The following IST1 variants were observed in gnomAD, a reference collection of about 807,000 sequenced individuals.
The protein encoded by IST1 is IST1 factor associated with ESCRT-III.
IST1 carries 23 observed loss-of-function variants against 37.0 expected under a neutral mutation model. That is an observed-to-expected ratio of 0.62 (90% confidence interval 0.45 to 0.88). IST1 has a LOEUF of 0.88. Among genes scored for constraint, IST1 ranks in the 40% least tolerant of loss-of-function variants. The pLI is 0.00. For missense variants in IST1, 488 were observed against 445.4 expected, an observed-to-expected ratio of 1.10 and a Z score of -0.86; for synonymous variants, 180 against 161.7, an observed-to-expected ratio of 1.11 and a Z score of -0.86.
At chr16:71,899,811 C>T (rs973699050) in intron 1 of IST1, among the ~76,000 whole-genome samples, 3 of 152,068 alleles carry the variant, frequency 2.0e-5, no homozygotes, top group Non-Finnish European at 4.4e-5. Flanking sequence ...ATCACAAGGT[C>T]AGGAGATCGA....
Position 71,922,594 on chromosome 16 carries a change from G to T in IST1, c.673G>T (p.Asp225Tyr), listed in dbSNP as rs1263555652. ...CTTCACAGCACCAGTTGGTGGACCT[G>T]ATGGAACGGTGCCAATGCCCATGCC... Reference protein sequence around the residue: ...GGFTAPVGGPDGTVPMPMPMP... With the variant: ...GGFTAPVGGPYGTVPMPMPMP... Residue 225 changes from aspartate (D) to tyrosine (Y), a missense_variant, in exon 7 of 10, where the codon GAT becomes TAT. By Grantham distance (160) the Asp-to-Tyr change is radical. Coordinates refer to ENST00000378799, the MANE Select transcript of IST1 (RefSeq NM_001270975.2). 6.2e-7 allele frequency: 1 copy of T among 1,610,082 alleles called. No individual in the cohort carries two copies. The highest frequency in any genetic ancestry group is 2.2e-5 in the East Asian group (1 of 44,768).
Position 71,922,844 on chromosome 16 carries a change from GAGA to G in IST1, c.759+167_759+169del, listed in dbSNP as rs1220406844. On this transcript the variant is annotated intron_variant, in intron 7 of 9. Transcript: ENST00000378799. ...GTGGGGAAAAAACACATTGGATTCA[GAGA>G]AGGTCTTCTAGTTCAGCTGTAGGAA... 19 of 636,484 alleles carry G rather than the reference GAGA, an allele frequency of 3.0e-5. No homozygotes were observed. The South Asian group carries it at 3.1e-4, about 10-fold the overall frequency. 39.4% of individuals were successfully genotyped at this position (636,484 alleles called of 1,614,324 possible). A position where few individuals can be genotyped will look rare whatever the true frequency, so the allele number is the denominator to read the frequency against.
chr16:71,914,008 G>A lies in IST1; in HGVS notation c.-15-1618G>A, dbSNP rs532959227. Among the ~76,000 whole-genome samples the A allele has an allele frequency of 4.0e-5, 6 of 151,686 alleles. No individual in the cohort carries two copies. In the South Asian group the frequency reaches 1.0e-3, roughly 26 times the overall value. ...TTTTTAGTAGAGATGGGGTTTCTCC[G>A]TGTTGGTCAGGCTGATCTCGAACTC... On this transcript the variant is annotated intron_variant, in intron 1 of 9. Coordinates refer to ENST00000378799, the MANE Select transcript of IST1 (RefSeq NM_001270975.2).
intron 6 of IST1, 27 bp downstream of exon 6, chr16:71,921,480 AAAT>A (rs1286012838): frequency 7.0e-7 from 1 of 1,429,212 alleles, no homozygotes; most frequent in African/African-American, 1.4e-5. Flanking sequence ...ATACAAAGAA[AAAT>A]GAGTTTGTAG....
At chr16:71,895,936 T>A (rs962022709) in intron 1 of IST1, among the ~76,000 whole-genome samples, 3 of 152,214 alleles carry the variant, frequency 2.0e-5, no homozygotes, top group African/African-American at 7.2e-5. Flanking sequence ...CGGCGAGGGC[T>A]CCTCGGCGAC....
intron 9 of IST1, among the ~76,000 whole-genome samples, 178 bp downstream of exon 9, chr16:71,924,995 A>T (rs2037704325): frequency 6.6e-6 from 1 of 151,358 alleles, no homozygotes; most frequent in African/African-American, 2.4e-5. Context: ...TACAAATCCT[A>T]AGTGATAGCT....
intron 4 of IST1, among the ~76,000 whole-genome samples, chr16:71,920,326 CAAAG>C (rs1021439261): frequency 2.0e-5 from 3 of 152,130 alleles, no homozygotes; most frequent in African/African-American, 7.2e-5. Flanking sequence ...TACGGCTTAA[CAAAG>C]AGTTATTAGC....
At chr16:71,909,213 G>A (rs896664725) in intron 1 of IST1, among the ~76,000 whole-genome samples, 125 of 150,396 alleles carry the variant, frequency 8.3e-4, no homozygotes, top group Non-Finnish European at 6.9e-4. Context: ...GTGCAAGTGA[G>A]CCTCCCACCT....
chr16:71,917,008 G>C, intron 3 of IST1, 39 bp from the exon 4 acceptor site: 1 of 1,376,492 alleles, frequency 7.3e-7, no homozygotes, highest in Non-Finnish European at 1.0e-6. Flanking sequence ...TTGTTGGTTT[G>C]TTTTAAAGAA....
chr16:71,903,857 T>C (rs553024597), intron 1 of IST1, among the ~76,000 whole-genome samples: 1 of 152,354 alleles, frequency 6.6e-6, no homozygotes, highest in South Asian at 2.1e-4. Context: ...TTGTGTTCTG[T>C]CTGCTAGGTT....
At chr16:71,927,209 CTTT>C (rs761116796) in intron 9 of IST1, among the ~76,000 whole-genome samples, 2 of 151,938 alleles carry the variant, frequency 1.3e-5, no homozygotes, top group African/African-American at 4.8e-5. Flanking sequence ...CTAGAATTAA[CTTT>C]TTTTTAGCCA....
chr16:71,907,848 A>G (rs1262790690), intron 1 of IST1, among the ~76,000 whole-genome samples: 2 of 151,990 alleles, frequency 1.3e-5, no homozygotes, highest in Non-Finnish European at 2.9e-5. Flanking sequence ...GGATCTTACC[A>G]TATTGCTCAG....
intron 3 of IST1, 50 bp from the exon 4 acceptor site, chr16:71,916,997 T>G: frequency 8.2e-7 from 1 of 1,215,288 alleles, no homozygotes; most frequent in Non-Finnish European, 1.2e-6. Context: ...AAGCTAGGAT[T>G]TTGTTGGTTT....
intron 1 of IST1, among the ~76,000 whole-genome samples, chr16:71,905,710 A>G (rs1040783939): frequency 1.1e-4 from 16 of 152,166 alleles, no homozygotes; most frequent in Non-Finnish European, 1.8e-4. Flanking sequence ...CTTCCAGTCA[A>G]TGTTTTTCCA....
intron 6 of IST1, chr16:71,921,675 A>G (rs2037588402): frequency 2.1e-6 from 1 of 471,798 alleles, no homozygotes; most frequent in Non-Finnish European, 3.8e-6. Context: ...ATACAAATGT[A>G]AAATGGCACT....
chr16:71,902,503 CAAGT>C (rs1783224046), intron 1 of IST1, among the ~76,000 whole-genome samples: 1 of 152,212 alleles, frequency 6.6e-6, no homozygotes, highest in Non-Finnish European at 1.5e-5. Context: ...CTCTTGACCA[CAAGT>C]AATCTGCCCG....
intron 4 of IST1, among the ~76,000 whole-genome samples, chr16:71,918,890 T>A (rs930279628): frequency 6.6e-6 from 1 of 152,180 alleles, no homozygotes; most frequent in Admixed American, 6.5e-5. Context: ...ATATCATAGG[T>A]GTCAGGTACC....
intron 1 of IST1, among the ~76,000 whole-genome samples, chr16:71,910,468 T>C (rs1011738855): frequency 6.6e-6 from 1 of 151,670 alleles, no homozygotes; most frequent in African/African-American, 2.4e-5. Context: ...TAGCTGGGTG[T>C]GGTGGCGGGC....
chr16:71,922,448 G>A (rs1349260645), intron 6 of IST1, 26 bp from the exon 7 acceptor site: 10 of 1,601,962 alleles, frequency 6.2e-6, no homozygotes, highest in Non-Finnish European at 8.5e-6. Flanking sequence ...ATGGGTTAAT[G>A]ACCTGGGTTT....
Sources: gnomAD v4.1 joint callset for allele counts (sites outside exome capture counted in the v4.1 genomes callset) on GRCh38, gnomAD v4.1.1 for gene constraint, MANE v1.5 for transcripts, NCBI Gene and HGNC (gene_info 2026-07-23, HGNC 2026-07-21) for gene names.